SNTG1: variants seen among roughly 807,000 people sequenced by gnomAD.
SNTG1 encodes gamma-1-syntrophin.
A neutral mutation model predicts 74.7 loss-of-function variants in SNTG1; 39 were observed. The observed-to-expected ratio is 0.52, with a 90% CI of 0.40 to 0.68. SNTG1 has a LOEUF of 0.68. Ranked by LOEUF, SNTG1 falls within the 30% of genes least tolerant of loss-of-function variation. The probability of loss-of-function intolerance (pLI) is 0.00; values close to 1 mark genes in which losing one functional copy is unlikely to be tolerated. For missense variants in SNTG1, 685 were observed against 609.5 expected (o/e 1.12, Z -1.30); for synonymous variants, 254 against 217.1 (o/e 1.17, Z -1.49).
chr8:50,581,736 T>A (rs539050599), intron 12 of SNTG1, among the ~76,000 whole-genome samples: 1 of 152,200 alleles, frequency 6.6e-6, no homozygotes, highest in African/African-American at 2.4e-5. Flanking sequence ...TGGGAAGGGA[T>A]TACATAAGTT....
intron 10 of SNTG1, among the ~76,000 whole-genome samples, chr8:50,534,326 G>A (rs1201363103): frequency 6.6e-6 from 1 of 152,106 alleles, no homozygotes; most frequent in African/African-American, 2.4e-5. Context: ...TTGCCAACGA[G>A]GACCTTGCTT....
At chr8:50,601,057 G>C (rs1264033514) in intron 13 of SNTG1, among the ~76,000 whole-genome samples, 1 of 143,362 alleles carries the variant, frequency 7.0e-6, no homozygotes, top group African/African-American at 2.5e-5. Context: ...TGTAGTCCCA[G>C]CTGCTTGGGA....
At chr8:50,489,943 T>C (rs1019174782) in intron 8 of SNTG1, among the ~76,000 whole-genome samples, 4 of 152,246 alleles carry the variant, frequency 2.6e-5, no homozygotes, top group African/African-American at 9.6e-5. Flanking sequence ...AGTTAATTTA[T>C]GTGTTAGGTG....
chr8:50,030,325 T>C (rs1238148257), intron 1 of SNTG1, among the ~76,000 whole-genome samples: 2 of 152,118 alleles, frequency 1.3e-5, no homozygotes, highest in Non-Finnish European at 2.9e-5. Context: ...GTTTCCTTTG[T>C]TGGCAGAAGC....
intron 13 of SNTG1, among the ~76,000 whole-genome samples, chr8:50,636,082 G>A (rs1178323961): frequency 1.4e-5 from 2 of 142,886 alleles, no homozygotes; most frequent in African/African-American, 2.5e-5. Context: ...GAAATGTCCT[G>A]GAGCTAGGGC....
chr8:50,404,479 T>C (rs2092845129), intron 4 of SNTG1, among the ~76,000 whole-genome samples: 1 of 152,160 alleles, frequency 6.6e-6, no homozygotes, highest in South Asian at 2.1e-4. Context: ...AAGAACAAAG[T>C]TGGAGTGTTT....
chr8:50,115,312 ATCCCAGC>A (rs1334026957), intron 1 of SNTG1, among the ~76,000 whole-genome samples: 3 of 151,948 alleles, frequency 2.0e-5, no homozygotes, highest in African/African-American at 7.2e-5. Context: ...CATGCCTGTA[ATCCCAGC>A]ACTTTGGGAG....
rs996541563 is a variant in SNTG1, at chr8:50,319,391, G to A, written c.-27-74821G>A. On this transcript the variant is annotated intron_variant, in intron 2 of 18. Transcript: ENST00000642720. ...AAATAAATAAATAAATAAACAAAAAGGAATGCTACTGATTTTTGTATGTTG... is the reference window on the plus strand; with the variant it reads ...AAATAAATAAATAAATAAACAAAAAAGAATGCTACTGATTTTTGTATGTTG... Among the ~76,000 whole-genome samples the A allele has an allele frequency of 1.4e-4, 21 of 148,166 alleles. 1 individual carries two copies. The East Asian group carries it at 1.4e-3, about 10-fold the overall frequency.
chr8:50,632,079 T>C (rs969248435), intron 13 of SNTG1, among the ~76,000 whole-genome samples: 2 of 152,118 alleles, frequency 1.3e-5, no homozygotes, highest in Non-Finnish European at 2.9e-5. Context: ...AACACATTTT[T>C]AAGCACTAGT....
At chr8:50,095,834 G>A (rs2079906224) in intron 1 of SNTG1, among the ~76,000 whole-genome samples, 1 of 151,656 alleles carries the variant, frequency 6.6e-6, no homozygotes, top group Non-Finnish European at 1.5e-5. Flanking sequence ...TTCTTTACTG[G>A]TGCTTTTTTT....
intron 2 of SNTG1, among the ~76,000 whole-genome samples, chr8:50,278,968 C>G (rs58444294): frequency 0.071 from 10,739 of 152,094 alleles, 420 homozygotes; most frequent in African/African-American, 0.085. Context: ...GTCATTGTTA[C>G]AAAGTTATAG....
chr8:49,996,733 AAT>A (rs1470666154), intron 1 of SNTG1, among the ~76,000 whole-genome samples: 1 of 152,132 alleles, frequency 6.6e-6, no homozygotes. Flanking sequence ...TTATTGTTCT[AAT>A]ATCTATCATT....
chr8:50,500,961 T>G (rs2093946512), intron 8 of SNTG1, among the ~76,000 whole-genome samples: 1 of 152,142 alleles, frequency 6.6e-6, no homozygotes, highest in Non-Finnish European at 1.5e-5. Flanking sequence ...CAGAGGAGGA[T>G]AGTCTCAGGA....
At chr8:50,316,186 C>G (rs906322122) in intron 2 of SNTG1, among the ~76,000 whole-genome samples, 1 of 152,084 alleles carries the variant, frequency 6.6e-6, no homozygotes, top group East Asian at 1.9e-4. Flanking sequence ...ATACAATAAA[C>G]TTGTACAGAT....
At chr8:49,932,894 C>T (rs944062402) in intron 1 of SNTG1, among the ~76,000 whole-genome samples, 4 of 152,164 alleles carry the variant, frequency 2.6e-5, no homozygotes, top group Non-Finnish European at 4.4e-5. Context: ...TGATTGACTT[C>T]TTTCACTTGG....
At chr8:50,131,673 G>A (rs537408188) in intron 1 of SNTG1, among the ~76,000 whole-genome samples, 1 of 152,176 alleles carries the variant, frequency 6.6e-6, no homozygotes, top group African/African-American at 2.4e-5. Context: ...TCAAAATAGT[G>A]ATTTCATTTT....
At chr8:50,044,249 G>A (rs567413722) in intron 1 of SNTG1, among the ~76,000 whole-genome samples, 1 of 152,278 alleles carries the variant, frequency 6.6e-6, no homozygotes, top group South Asian at 2.1e-4. Flanking sequence ...GTGTTTCTAA[G>A]TTGCCATCAC....
chr8:50,450,628 C>T, intron 7 of SNTG1, 29 bp downstream of exon 7: 1 of 1,613,202 alleles, frequency 6.2e-7, no homozygotes, highest in African/African-American at 1.3e-5. Flanking sequence ...TATGTGTGGT[C>T]AAAACATTAA....
intron 1 of SNTG1, among the ~76,000 whole-genome samples, chr8:50,165,692 G>T (rs2082589249): frequency 6.6e-6 from 1 of 152,108 alleles, no homozygotes; most frequent in Non-Finnish European, 1.5e-5. Context: ...ATAATTTTCA[G>T]ATAGTAACAG....
Sources: gnomAD v4.1 joint callset for allele counts (sites outside exome capture counted in the v4.1 genomes callset) on GRCh38, gnomAD v4.1.1 for gene constraint, MANE v1.5 for transcripts, NCBI Gene and HGNC (gene_info 2026-07-23, HGNC 2026-07-21) for gene names.